Variants in TMEM165 observed in about 807,000 individuals in gnomAD.
The protein encoded by TMEM165 is putative divalent cation/proton antiporter TMEM165.
TMEM165 carries 19 observed loss-of-function variants against 30.0 expected under a neutral mutation model. That is an observed-to-expected ratio of 0.63 (90% CI 0.44 to 0.93). TMEM165 has a LOEUF of 0.93. Among genes scored for constraint, TMEM165 ranks in the 40% least tolerant of loss-of-function variants. The pLI is 0.00. For synonymous variants in TMEM165, 168 were observed against 162.9 expected, an observed-to-expected ratio of 1.03 and a Z score of -0.24; for missense variants, 340 against 417.0, an observed-to-expected ratio of 0.82 and a Z score of 1.61.
At chr4:55,442,726 T>C in intron 3 of TMEM165, 1 of 1,121,550 alleles carries the variant, frequency 8.9e-7, no homozygotes, top group South Asian at 1.3e-5. Context: ...AATATGACAA[T>C]ATGACAGAGA....
intron 3 of TMEM165, chr4:55,442,565 T>C (rs1353644165): frequency 1.2e-6 from 2 of 1,611,922 alleles, no homozygotes; most frequent in East Asian, 4.5e-5. Context: ...AGTGGGGCTG[T>C]AAGAGTGCTC....
chr4:55,425,466 C>CAGAAAG lies in TMEM165; in HGVS notation c.*15_*16insGAAAGA. 1 of 1,593,916 alleles carries CAGAAAG rather than the reference C, an allele frequency of 6.3e-7. No individual in the cohort carries two copies. Among genetic ancestry groups the CAGAAAG allele is most frequent in the African/African-American group, 1.3e-5 (1 of 74,512 alleles). ...TCTGGTTTTTAACAAGCTGTTTGTT[C>CAGAAAG]ATCTATATTTAGTTTAAAATAGGTA... On this transcript the variant is annotated 3_prime_UTR_variant, in exon 6 of 6. Transcript: ENST00000381334.
At chr4:55,442,588 G>C (rs773727395) in intron 3 of TMEM165, 2 of 1,612,318 alleles carry the variant, frequency 1.2e-6, no homozygotes, top group Non-Finnish European at 1.7e-6. Flanking sequence ...TGTCTGACTG[G>C]GTAGAGATGT....
intron 2 of TMEM165, among the ~76,000 whole-genome samples, chr4:55,413,024 G>T (rs190509037): frequency 6.6e-6 from 1 of 151,766 alleles, no homozygotes; most frequent in East Asian, 1.9e-4. Flanking sequence ...CTATCACTCA[G>T]GCTGGAGTGC....
chr4:55,406,646 C>A (rs529146761), intron 1 of TMEM165, among the ~76,000 whole-genome samples: 202 of 152,178 alleles, frequency 1.3e-3, no homozygotes, highest in African/African-American at 4.7e-3. Flanking sequence ...TATCAATGGA[C>A]ATTTAGTTGT....
At chr4:55,431,376 ATATAC>A (rs1353415181) in intron 3 of TMEM165, 3 of 152,202 alleles carry the variant, frequency 2.0e-5, no homozygotes, top group Non-Finnish European at 4.4e-5. Flanking sequence ...AATATATTAA[ATATAC>A]TATAAAAATA....
chr4:55,448,692 C>CA (rs1724153766), intron 3 of TMEM165: 3 of 1,022,642 alleles, frequency 2.9e-6, no homozygotes, highest in Middle Eastern at 2.2e-4. Context: ...TGCTTGCCAG[C>CA]AAGCCTGGAT....
At chr4:55,427,371 C>G (rs1341705884), downstream of TMEM165, among the ~76,000 whole-genome samples, 18 of 150,570 alleles carry the variant, frequency 1.2e-4, no homozygotes, top group African/African-American at 4.4e-4. Flanking sequence ...GACAATCTAT[C>G]TCACTCTGTC....
chr4:55,415,881 A>T (rs1721699429), intron 2 of TMEM165: 1 of 150,612 alleles, frequency 6.6e-6, no homozygotes, highest in Admixed American at 6.6e-5. Context: ...CTGAGATGGG[A>T]TCTCACTCTG....
At chr4:55,422,795 G>A (rs745922605) in intron 4 of TMEM165, among the ~76,000 whole-genome samples, 1 of 151,990 alleles carries the variant, frequency 6.6e-6, no homozygotes, top group Non-Finnish European at 1.5e-5. Flanking sequence ...GACTACAGGT[G>A]CCTGCCACCA....
chr4:55,452,981 C>T (rs945140646), exon 4 of TMEM165: 1 of 1,031,654 alleles, frequency 9.7e-7, no homozygotes, highest in Non-Finnish European at 1.5e-6. Context: ...AATAGTTTTC[C>T]TATTAATTAT....
downstream of TMEM165, among the ~76,000 whole-genome samples, chr4:55,427,529 G>GAGAC (rs71194561): frequency 0.08 from 12,090 of 150,316 alleles, 654 homozygotes; most frequent in Non-Finnish European, 0.12. Flanking sequence ...ATTTTCAGTA[G>GAGAC]AGACAGGGTT....
At chr4:55,429,418 A>C (rs1164243090), downstream of TMEM165, 1 of 152,168 alleles carries the variant, frequency 6.6e-6, no homozygotes, top group Non-Finnish European at 1.5e-5. Context: ...GGATCCTCAA[A>C]TGTCTAGGTT....
In TMEM165 at chr4:55,418,521, GA is replaced by G. The variant is rs57262129; in HGVS notation, c.792+550del. On this transcript the variant is annotated intron_variant, in intron 4 of 5. Transcript: ENST00000381334. ...CCTTGGTGACAGGGAGACCCAGTCT[GA>G]AAAAAAAAAAAAAGTGTATAGCTTT... 8.6e-3 allele frequency among the ~76,000 whole-genome samples: 1,066 copies of G among 124,572 alleles called. 12 individuals carry two copies. The highest frequency in any genetic ancestry group is 0.026 in the African/African-American group (871 of 33,782). 81.7% of individuals were successfully genotyped at this position (124,572 alleles called of 152,430 possible). A position where few individuals can be genotyped will look rare whatever the true frequency, so the allele number is the denominator to read the frequency against.
intron 3 of TMEM165, chr4:55,448,940 AAT>A: frequency 8.7e-7 from 1 of 1,145,200 alleles, no homozygotes; most frequent in Non-Finnish European, 1.3e-6. Context: ...CAGAAATATC[AAT>A]ATGATATTCG....
intron 3 of TMEM165, chr4:55,431,586 T>C (rs866750451): frequency 2.0e-5 from 3 of 152,176 alleles, no homozygotes; most frequent in South Asian, 2.1e-4. Context: ...TAATATCCAG[T>C]GTTTACCCCC....
chr4:55,429,863 G>T (rs1207837187), downstream of TMEM165: 2 of 152,104 alleles, frequency 1.3e-5, no homozygotes, highest in Non-Finnish European at 2.9e-5. Context: ...GAAGTGCAGG[G>T]GCATCTGGAG....
intron 3 of TMEM165, among the ~76,000 whole-genome samples, chr4:55,447,359 G>A (rs1290218164): frequency 7.6e-6 from 1 of 131,130 alleles, no homozygotes; most frequent in East Asian, 3.0e-4. Flanking sequence ...GTGAGGCGTC[G>A]TCTCAAAAAA....
intron 2 of TMEM165, chr4:55,412,882 A>G (rs1423892935): frequency 1.3e-5 from 2 of 152,168 alleles, no homozygotes; most frequent in Non-Finnish European, 2.9e-5. Flanking sequence ...TATAGTTATT[A>G]GTACTCAAAG....
Sources: gnomAD v4.1 joint callset for allele counts (sites outside exome capture counted in the v4.1 genomes callset) on GRCh38, gnomAD v4.1.1 for gene constraint, MANE v1.5 for transcripts, NCBI Gene and HGNC (gene_info 2026-07-23, HGNC 2026-07-21) for gene names.